Variants in LAMA2 observed in about 807,000 individuals in gnomAD.
LAMA2 encodes the protein laminin subunit alpha-2.
A neutral mutation model predicts 364.8 loss-of-function variants in LAMA2; 269 were observed. The ratio of observed to expected loss-of-function variants is 0.74; its 90% CI spans 0.67 to 0.82. The LOEUF is 0.82. Ranked by LOEUF, LAMA2 falls within the 40% of genes least tolerant of loss-of-function variation. The pLI is 0.00. For missense variants in LAMA2, 3,807 were observed against 3,873.2 expected (o/e 0.98, Z 0.45); for synonymous variants, 1,379 against 1,370.6 (o/e 1.01, Z -0.14).
At chr6:129,146,040 T>C (rs2114962312) in intron 5 of LAMA2, among the ~76,000 whole-genome samples, 1 of 152,012 alleles carries the variant, frequency 6.6e-6, no homozygotes, top group East Asian at 1.9e-4. Flanking sequence ...TCAAAGACAC[T>C]ATATGTATGT....
chr6:129,440,385 C>T (rs1040284946), intron 42 of LAMA2, among the ~76,000 whole-genome samples: 2 of 151,908 alleles, frequency 1.3e-5, no homozygotes. Flanking sequence ...GCCTAACATA[C>T]CTGAAAATGT....
At position 129,024,427 on chromosome 6, in the gene LAMA2, A is replaced by G. The variant is rs927099780; in HGVS notation, c.113-25491A>G. Among the ~76,000 whole-genome samples the G allele has an allele frequency of 2.1e-5, 3 of 139,582 alleles. No homozygotes were observed. In the Admixed American group the frequency reaches 2.3e-4, roughly 11 times the overall value. 91.6% of individuals were successfully genotyped at this position (139,582 alleles called of 152,430 possible). The stretch of plus-strand genomic sequence containing the variant: ...TTGAGACAGTCTCAGTCCATTGCCC[A>G]GGCTGGTGTGCAATGGCATGATCTC... On this transcript the variant is annotated intron_variant, in intron 1 of 64. Coordinates refer to ENST00000421865, the MANE Select transcript of LAMA2 (RefSeq NM_000426.4).
intron 22 of LAMA2, among the ~76,000 whole-genome samples, chr6:129,303,152 G>A (rs370385574): frequency 4.6e-5 from 7 of 152,146 alleles, no homozygotes; most frequent in African/African-American, 1.7e-4. Flanking sequence ...TGTAGTTTTT[G>A]ATGTGCAAGC....
chr6:129,048,650 T>G, intron 1 of LAMA2, among the ~76,000 whole-genome samples: 1 of 150,562 alleles, frequency 6.6e-6, no homozygotes, highest in Admixed American at 6.7e-5. Flanking sequence ...AGTCTTCCTC[T>G]GTCTCCCAGG....
chr6:128,921,711 T>TTTA (rs938813042), intron 1 of LAMA2, among the ~76,000 whole-genome samples: 2 of 138,708 alleles, frequency 1.4e-5, no homozygotes. Context: ...TTTTTTTTTT[T>TTTA]TTATTATTAT....
chr6:129,191,725 G>A (rs931689605), intron 11 of LAMA2, among the ~76,000 whole-genome samples: 8 of 152,228 alleles, frequency 5.3e-5, no homozygotes, highest in African/African-American at 1.9e-4. Context: ...GGGATAAGCA[G>A]AGTCAAATAG....
chr6:129,046,001 A>G (rs1184989780), intron 1 of LAMA2, among the ~76,000 whole-genome samples: 2 of 152,202 alleles, frequency 1.3e-5, no homozygotes, highest in African/African-American at 2.4e-5. Flanking sequence ...CCTGCCTGAG[A>G]TGGCTTTTGT....
At chr6:128,921,610 T>C (rs1778716994) in intron 1 of LAMA2, among the ~76,000 whole-genome samples, 1 of 151,786 alleles carries the variant, frequency 6.6e-6, no homozygotes, top group South Asian at 2.1e-4. Context: ...AGCATGGACA[T>C]TTTTTCTTAC....
intron 40 of LAMA2, among the ~76,000 whole-genome samples, chr6:129,425,402 C>A (rs896193776): frequency 6.6e-6 from 1 of 151,702 alleles, no homozygotes; most frequent in African/African-American, 2.4e-5. Context: ...CATTTATTTT[C>A]TTTTTTAAAT....
At chr6:129,242,713 A>G (rs1354450759) in intron 12 of LAMA2, among the ~76,000 whole-genome samples, 1 of 152,168 alleles carries the variant, frequency 6.6e-6, no homozygotes, top group African/African-American at 2.4e-5. Flanking sequence ...TGGAAAACAA[A>G]CAGCTGTTGC....
chr6:129,454,142 T>A lies in LAMA2; in HGVS notation c.6574-13T>A. 1 of 1,610,766 alleles carries A rather than the reference T, an allele frequency of 6.2e-7. No homozygotes were observed. Among genetic ancestry groups the A allele is most frequent in the South Asian group, 1.1e-5 (1 of 91,016 alleles). On this transcript the variant is annotated splice_polypyrimidine_tract_variant and intron_variant, in intron 46 of 64. Transcript: ENST00000421865. ...TATCTGATATCTCTTGTTTTTGTAT[T>A]TCTCTGAACTAGATTGACTTTCTGG...
chr6:128,929,782 C>G (rs1779338818), intron 1 of LAMA2: 1 of 1,058,018 alleles, frequency 9.5e-7, no homozygotes, highest in South Asian at 1.3e-5. Context: ...CCACAACTGT[C>G]TCCTGACTTC....
intron 12 of LAMA2, among the ~76,000 whole-genome samples, chr6:129,200,447 T>C (rs76062601): frequency 0.01 from 1,517 of 146,594 alleles, 28 homozygotes; most frequent in African/African-American, 0.037. Context: ...TATACATATA[T>C]GTATATATAT....
chr6:128,956,486 A>G (rs1582764790), intron 1 of LAMA2, among the ~76,000 whole-genome samples: 1 of 152,036 alleles, frequency 6.6e-6, no homozygotes, highest in Admixed American at 6.6e-5. Flanking sequence ...ATAGCACTGG[A>G]TATTTTTATA....
intron 1 of LAMA2, among the ~76,000 whole-genome samples, chr6:128,906,409 G>GT (rs1777472695): frequency 8.1e-6 from 1 of 123,910 alleles, no homozygotes; most frequent in Non-Finnish European, 1.7e-5. Flanking sequence ...TTTTTCATGT[G>GT]TTTTTTGGCT....
chr6:128,916,426 G>A (rs372819657), intron 1 of LAMA2, among the ~76,000 whole-genome samples: 35 of 152,254 alleles, frequency 2.3e-4, no homozygotes, highest in African/African-American at 7.2e-4. Context: ...AACAACTGGC[G>A]TTAAAATCAC....
intron 55 of LAMA2, among the ~76,000 whole-genome samples, chr6:129,485,828 T>C (rs1784558212): frequency 6.6e-6 from 1 of 152,172 alleles, no homozygotes; most frequent in South Asian, 2.1e-4. Context: ...GGTGCCCCCA[T>C]ACTCCACAAG....
intron 37 of LAMA2, among the ~76,000 whole-genome samples, chr6:129,396,016 T>C (rs547381303): frequency 6.6e-6 from 1 of 152,324 alleles, no homozygotes; most frequent in South Asian, 2.1e-4. Flanking sequence ...AAGGAATTGG[T>C]TTTTATCCTG....
At chr6:129,332,496 A>G (rs1227431751) in intron 29 of LAMA2, among the ~76,000 whole-genome samples, 2 of 152,108 alleles carry the variant, frequency 1.3e-5, no homozygotes, top group African/African-American at 2.4e-5. Flanking sequence ...TTTATGCACT[A>G]TTTTAATCTC....
Sources: gnomAD v4.1 joint callset for allele counts (sites outside exome capture counted in the v4.1 genomes callset) on GRCh38, gnomAD v4.1.1 for gene constraint, MANE v1.5 for transcripts, NCBI Gene and HGNC (gene_info 2026-07-23, HGNC 2026-07-21) for gene names.